TAF4B: variants seen among roughly 807,000 people sequenced by gnomAD.
TAF4B encodes transcription initiation factor TFIID subunit 4B.
Under a neutral mutation model 86.4 loss-of-function variants are expected in TAF4B, and 38 were observed. That is an observed-to-expected ratio of 0.44 (90% CI 0.34 to 0.58). The LOEUF (loss-of-function observed/expected upper bound fraction) is 0.58, where lower values mean the gene tolerates loss of function less well. Ranked by LOEUF, TAF4B falls within the 20% of genes least tolerant of loss-of-function variation. TAF4B has a pLI of 0.02. For synonymous variants in TAF4B, 388 were observed against 391.2 expected (o/e 0.99, Z 0.10); for missense variants, 988 against 1,027.6 (o/e 0.96, Z 0.53).
chr18:26,231,158 GC>G (rs1318559205), intron 1 of TAF4B, among the ~76,000 whole-genome samples: 1 of 146,378 alleles, frequency 6.8e-6, no homozygotes, highest in African/African-American at 2.5e-5. Flanking sequence ...TCCTGTCTCA[GC>G]CTCCTGAGTA....
At chr18:26,236,975 G>C (rs1432082049) in intron 1 of TAF4B, among the ~76,000 whole-genome samples, 1 of 152,170 alleles carries the variant, frequency 6.6e-6, no homozygotes. Flanking sequence ...GCTGGAGCAA[G>C]GCAGTAAGAT....
Position 26,227,252 on chromosome 18 carries a change from C to T in TAF4B, c.319C>T (p.Pro107Ser), listed in dbSNP as rs986737217. Residue 107 changes from proline (P) to serine (S), a missense_variant, in exon 1 of 15, where the codon CCT becomes TCT. Coordinates refer to ENST00000269142, the MANE Select transcript of TAF4B (RefSeq NM_005640.3). ...KAPNTTTIQF[P>S]ANLQLPPGTV... ...CCCCAACACCACGACAATCCAGTTT[C>T]CTGCTAATTTGCAGCTTCCTCCAGG... is the stretch of plus-strand genomic sequence containing the variant. The T allele has an allele frequency of 1.9e-6, 3 of 1,613,214 alleles. No homozygotes were observed. The highest frequency in any genetic ancestry group is 2.5e-6 in the Non-Finnish European group (3 of 1,179,624).
At chr18:26,252,249 G>A (rs1175817599) in intron 1 of TAF4B, among the ~76,000 whole-genome samples, 1 of 152,098 alleles carries the variant, frequency 6.6e-6, no homozygotes, top group Non-Finnish European at 1.5e-5. Context: ...TATCCTTGAA[G>A]TATATTATTC....
chr18:26,290,207 A>G (rs2056575110), intron 7 of TAF4B, among the ~76,000 whole-genome samples: 1 of 152,066 alleles, frequency 6.6e-6, no homozygotes, highest in African/African-American at 2.4e-5. Flanking sequence ...TGGTGCCATC[A>G]TGGTTCACTG....
In TAF4B at chr18:26,384,214, GAATC is replaced by G. The variant is rs1978310467; in HGVS notation, c.2422-5630_2422-5627del. Among the ~76,000 whole-genome samples, 3 of 152,300 alleles carry G rather than the reference GAATC, an allele frequency of 2.0e-5. No homozygotes were observed. The South Asian group carries it at 6.2e-4, about 32-fold the overall frequency. On this transcript the variant is annotated intron_variant, in intron 14 of 14. Transcript: ENST00000269142. Reference sequence around the variant, plus strand: ...ATCAGGTAGAATCTGAGAATGTCATGAATCTTTGCCTCTTGATTCCTCTATTAAG... The same window carrying G: ...ATCAGGTAGAATCTGAGAATGTCATGTTTGCCTCTTGATTCCTCTATTAAG...
chr18:26,296,632 A>G (rs1029485269), intron 9 of TAF4B, among the ~76,000 whole-genome samples: 13 of 152,178 alleles, frequency 8.5e-5, no homozygotes, highest in Non-Finnish European at 1.8e-4. Flanking sequence ...ACTCTTGACA[A>G]AAAGCTAAAC....
Position 26,286,159 on chromosome 18 carries a change from C to T in TAF4B, c.1250C>T (p.Pro417Leu), listed in dbSNP as rs756840815. The T allele has an allele frequency of 6.2e-7, 1 of 1,614,166 alleles. No homozygotes were observed. The highest frequency in any genetic ancestry group is 8.5e-7 in the Non-Finnish European group (1 of 1,180,020). The stretch of plus-strand genomic sequence containing the variant: ...GTTGTGACACTTCATTCTGTGGGCC[C>T]AACTGCTGCAACAGGAGGAACAACA... ...AGVVTLHSVG[P>L]TAATGGTTAG... The change falls in exon 7 of 15, where the codon CCA becomes CTA. Residue 417 changes from proline to leucine, a missense_variant. By Grantham distance (98) the Pro-to-Leu change is moderately conservative. Around this residue, in one of 3 missense-constraint regions of TAF4B, gnomAD observed 747 missense variants for 737.9 expected, o/e 1.01. Coordinates refer to ENST00000269142, the MANE Select transcript of TAF4B (RefSeq NM_005640.3).
chr18:26,323,976 G>A (rs993590933), intron 11 of TAF4B, among the ~76,000 whole-genome samples: 18 of 152,016 alleles, frequency 1.2e-4, no homozygotes, highest in Non-Finnish European at 1.9e-4. Flanking sequence ...TAAGTTTTGT[G>A]TTCCTCACTT....
intron 9 of TAF4B, among the ~76,000 whole-genome samples, chr18:26,295,998 G>GTGTA (rs145260490): frequency 6.6e-6 from 1 of 151,780 alleles, no homozygotes; most frequent in Non-Finnish European, 1.5e-5. Context: ...TTGTGTGTGT[G>GTGTA]TGTGTGTGTG....
chr18:26,256,219 T>C lies in TAF4B; in HGVS notation c.344-8951T>C, dbSNP rs1233217057. ...GCATTGCAGATGTCTCCTGAAGGAGTCTCATGCAATCCAGAACAGCTGTGG... is the reference window on the plus strand; with the variant it reads ...GCATTGCAGATGTCTCCTGAAGGAGCCTCATGCAATCCAGAACAGCTGTGG... On this transcript the variant is annotated intron_variant, in intron 1 of 14. Transcript: ENST00000269142. 7 of 1,599,460 alleles carry C rather than the reference T, an allele frequency of 4.4e-6. No individual in the cohort carries two copies. The Admixed American group carries it at 1.2e-4, about 27-fold the overall frequency.
At position 26,391,424 on chromosome 18, in the gene TAF4B, A is replaced by C. The variant is rs1978703906; in HGVS notation, c.*1412A>C. 6.6e-6 allele frequency: 1 copy of C among 150,924 alleles called. No homozygotes were observed. The highest frequency in any genetic ancestry group is 1.5e-5 in the Non-Finnish European group (1 of 67,820). 9.3% of individuals were successfully genotyped at this position (150,924 alleles called of 1,614,324 possible). A position where few individuals can be genotyped will look rare whatever the true frequency, so the allele number is the denominator to read the frequency against. The stretch of plus-strand genomic sequence containing the variant: ...TCCTGTTCTTCCCATTGGGACTGTT[A>C]TGGCCATATTCTACAGTATAGTAAA... On this transcript the variant is annotated 3_prime_UTR_variant, in exon 15 of 15. Coordinates refer to ENST00000269142, the MANE Select transcript of TAF4B (RefSeq NM_005640.3).
chr18:26,238,435 A>G, intron 1 of TAF4B, among the ~76,000 whole-genome samples: 1 of 152,094 alleles, frequency 6.6e-6, no homozygotes, highest in Admixed American at 6.5e-5. Context: ...TGCTAGTCTG[A>G]GGAGGGATCC....
At chr18:26,288,699 A>G (rs185535944) in intron 7 of TAF4B, among the ~76,000 whole-genome samples, 28 of 152,294 alleles carry the variant, frequency 1.8e-4, no homozygotes, top group African/African-American at 1.4e-4. Context: ...TAGAACCCAG[A>G]TGACTTTTCC....
chr18:26,344,077 TATAAAGA>T (rs2057157033), intron 13 of TAF4B, among the ~76,000 whole-genome samples: 1 of 151,918 alleles, frequency 6.6e-6, no homozygotes, highest in African/African-American at 2.4e-5. Flanking sequence ...GGCTAGAAAA[TATAAAGA>T]ATAAAGTTAT....
Position 26,317,155 on chromosome 18 carries a change from G to T in TAF4B, c.2002+1757G>T, listed in dbSNP as rs545501772. ...AGCGATTCTCCTGCCTCAACCTCCCGAGTAGCTGGGATTACAGGTGCCCAC... is the reference window on the plus strand; with the variant it reads ...AGCGATTCTCCTGCCTCAACCTCCCTAGTAGCTGGGATTACAGGTGCCCAC... On this transcript the variant is annotated intron_variant, in intron 10 of 14. Coordinates refer to ENST00000269142, the MANE Select transcript of TAF4B (RefSeq NM_005640.3). Among the ~76,000 whole-genome samples, 3 of 150,186 alleles carry T rather than the reference G, an allele frequency of 2.0e-5. No individual in the cohort carries two copies. In the South Asian group the frequency reaches 6.4e-4, roughly 32 times the overall value.
chr18:26,255,603 CA>C (rs71169836), intron 1 of TAF4B: 28,412 of 475,232 alleles, frequency 0.06, 3 homozygotes, highest in East Asian at 0.13. Context: ...ACTCTGTCTC[CA>C]AAAAAAAAAA....
At chr18:26,228,953 T>G (rs373493955) in intron 1 of TAF4B, among the ~76,000 whole-genome samples, 24 of 152,084 alleles carry the variant, frequency 1.6e-4, no homozygotes, top group African/African-American at 5.8e-4. Flanking sequence ...TCTCTAAGAG[T>G]AAATAATTTG....
At chr18:26,345,912 A>G (rs1435964193) in intron 13 of TAF4B, among the ~76,000 whole-genome samples, 1 of 152,246 alleles carries the variant, frequency 6.6e-6, no homozygotes, top group Non-Finnish European at 1.5e-5. Context: ...ATACTGATGG[A>G]CATTCAGTGA....
chr18:26,337,427 T>TC (rs1222963024), intron 13 of TAF4B, among the ~76,000 whole-genome samples: 42 of 146,186 alleles, frequency 2.9e-4, no homozygotes, highest in Middle Eastern at 6.9e-3. Flanking sequence ...TTTCTTTCTT[T>TC]TTTTTTTTTT....
Sources: allele counts gnomAD v4.1 joint callset (sites outside exome capture counted in the v4.1 genomes callset), GRCh38; gene constraint gnomAD v4.1.1; regional missense constraint gnomAD v4.1.1; transcripts MANE v1.5; gene names NCBI Gene and HGNC (gene_info 2026-07-23, HGNC 2026-07-21).